The following OSBPL10 variants were observed in gnomAD, a reference collection of about 807,000 sequenced individuals.
OSBPL10 encodes the protein oxysterol binding protein like 10.
Under a neutral mutation model 81.7 loss-of-function variants are expected in OSBPL10, and 49 were observed. The ratio of observed to expected loss-of-function variants is 0.60; its 90% CI spans 0.48 to 0.76. OSBPL10 has a LOEUF of 0.76. OSBPL10 is among the 30% of genes least tolerant of loss of function. The pLI, the probability that OSBPL10 is intolerant of heterozygous loss-of-function variation, is 0.00. For synonymous variants in OSBPL10, 419 were observed against 383.6 expected, an observed-to-expected ratio of 1.09 and a Z score of -1.08; for missense variants, 923 against 987.8, an observed-to-expected ratio of 0.93 and a Z score of 0.88.
At chr3:31,814,240 G>A (rs1487355052) in intron 4 of OSBPL10, among the ~76,000 whole-genome samples, 3 of 152,198 alleles carry the variant, frequency 2.0e-5, no homozygotes, top group Non-Finnish European at 4.4e-5. Flanking sequence ...CAAGAGCTTG[G>A]AGCACATACG....
At chr3:31,744,288 C>A (rs1384475573) in intron 5 of OSBPL10, among the ~76,000 whole-genome samples, 4 of 152,078 alleles carry the variant, frequency 2.6e-5, no homozygotes, top group Admixed American at 2.6e-4. Context: ...CGCCTATAAT[C>A]CCAGCACTTT....
chr3:31,887,571 C>A (rs947456117), intron 1 of OSBPL10, among the ~76,000 whole-genome samples: 3 of 152,102 alleles, frequency 2.0e-5, no homozygotes, highest in African/African-American at 7.2e-5. Context: ...ATATGCTCAA[C>A]CTAGAGGGTA....
intron 1 of OSBPL10, among the ~76,000 whole-genome samples, chr3:31,939,721 C>A (rs1201677038): frequency 6.6e-6 from 1 of 152,158 alleles, no homozygotes; most frequent in South Asian, 2.1e-4. Context: ...AATTCATGCA[C>A]ACACTCCTGG....
At chr3:32,041,773 T>A (rs1699578482) in intron 2 of OSBPL10, among the ~76,000 whole-genome samples, 3 of 152,172 alleles carry the variant, frequency 2.0e-5, no homozygotes, top group Admixed American at 2.0e-4. Context: ...TTCTCCTGCC[T>A]CAATCTCCCA....
At chr3:31,864,242 T>C (rs1371323088) in intron 3 of OSBPL10, among the ~76,000 whole-genome samples, 1 of 152,142 alleles carries the variant, frequency 6.6e-6, no homozygotes, top group Non-Finnish European at 1.5e-5. Context: ...TCTCTTTCTG[T>C]TTCTTGTTTT....
At chr3:31,744,617 G>T (rs1430615723) in intron 5 of OSBPL10, among the ~76,000 whole-genome samples, 2 of 151,740 alleles carry the variant, frequency 1.3e-5, no homozygotes, top group African/African-American at 4.8e-5. Flanking sequence ...GAGAGCACAG[G>T]GAGGACATGA....
At chr3:31,901,781 T>C (rs1696250522) in intron 1 of OSBPL10, among the ~76,000 whole-genome samples, 1 of 152,190 alleles carries the variant, frequency 6.6e-6, no homozygotes, top group Non-Finnish European at 1.5e-5. Flanking sequence ...ATCGCACCTG[T>C]AATCCCAGCA....
chr3:31,716,640 C>T (rs528664754), intron 6 of OSBPL10, among the ~76,000 whole-genome samples: 35 of 152,272 alleles, frequency 2.3e-4, no homozygotes, highest in Non-Finnish European at 4.1e-4. Context: ...CAATCCTAGG[C>T]GGCCAGTGAG....
intron 4 of OSBPL10, among the ~76,000 whole-genome samples, chr3:31,808,477 C>T (rs924599567): frequency 6.6e-6 from 1 of 152,166 alleles, no homozygotes; most frequent in African/African-American, 2.4e-5. Flanking sequence ...CAATCAGTGT[C>T]CTGGAAATAA....
intron 8 of OSBPL10, 43 bp downstream of exon 8, chr3:31,683,591 G>T (rs111671527): frequency 3.2e-6 from 5 of 1,579,830 alleles, no homozygotes; most frequent in Non-Finnish European, 4.3e-6. Flanking sequence ...GTATAGAAAC[G>T]TCACTGTGTA....
chr3:31,935,568 G>A (rs1372373583), intron 1 of OSBPL10, among the ~76,000 whole-genome samples: 2 of 150,428 alleles, frequency 1.3e-5, no homozygotes, highest in East Asian at 3.9e-4. Flanking sequence ...TTTTCGCCCA[G>A]GCTGGAGTGC....
At chr3:31,870,593 C>A (rs927117878) in intron 3 of OSBPL10, among the ~76,000 whole-genome samples, 8 of 152,252 alleles carry the variant, frequency 5.3e-5, no homozygotes, top group Non-Finnish European at 1.2e-4. Context: ...TCTGGTGGGG[C>A]CTTGGAGAAC....
At chr3:31,990,755 T>C (rs1699017856) in intron 2 of OSBPL10, 1 of 1,613,804 alleles carries the variant, frequency 6.2e-7, no homozygotes. Flanking sequence ...CATAAGAGAA[T>C]TCATACTGGA....
chr3:31,936,023 CCCCTTCTCCTCTTCACCAT>C (rs1296430599), intron 1 of OSBPL10, among the ~76,000 whole-genome samples: 1 of 151,962 alleles, frequency 6.6e-6, no homozygotes, highest in Non-Finnish European at 1.5e-5. Flanking sequence ...TGGGCCATAC[CCCCTTCTCCTCTTCACCAT>C]CCCTTCTCAA....
At chr3:31,710,556 T>C (rs551630370) in intron 6 of OSBPL10, 14 of 152,152 alleles carry the variant, frequency 9.2e-5, no homozygotes, top group Non-Finnish European at 1.9e-4. Flanking sequence ...TAGGAAAGGA[T>C]TCAGAGAACT....
rs368013764 is a variant in OSBPL10, at chr3:31,678,995, C to T, written c.1726+4639G>A. On this transcript the variant is annotated intron_variant, in intron 8 of 11. Coordinates refer to ENST00000396556, the MANE Select transcript of OSBPL10 (RefSeq NM_017784.5). Reference sequence around the variant, plus strand: ...CCCATCTCAGAGCAAACGGCAAAGACGTTCCAGAGCCCCAAAATCAGATCC... The same window carrying T: ...CCCATCTCAGAGCAAACGGCAAAGATGTTCCAGAGCCCCAAAATCAGATCC... Among the ~76,000 whole-genome samples, 18 of 152,188 alleles carry T rather than the reference C, an allele frequency of 1.2e-4. 1 individual carries two copies. Among genetic ancestry groups the T allele is most frequent in the East Asian group, 3.9e-4 (2 of 5,166 alleles).
chr3:32,013,778 A>G (rs1030705323), intron 2 of OSBPL10, among the ~76,000 whole-genome samples: 4 of 152,244 alleles, frequency 2.6e-5, no homozygotes, highest in South Asian at 2.1e-4. Context: ...CACTGATCCC[A>G]CAGAAATACA....
chr3:31,930,579 G>T (rs2125719588), intron 1 of OSBPL10, among the ~76,000 whole-genome samples: 1 of 152,324 alleles, frequency 6.6e-6, no homozygotes, highest in South Asian at 2.1e-4. Flanking sequence ...ATCCATAGCA[G>T]AATGATGAAT....
rs1159829851 is a variant in OSBPL10 at position 31,965,790 on chromosome 3, AAG to A, written c.281+15107_281+15108del. Among the ~76,000 whole-genome samples the A allele has an allele frequency of 9.6e-4, 75 of 78,368 alleles. 4 individuals are homozygous for A. The highest frequency in any genetic ancestry group is 4.5e-3 in the African/African-American group (74 of 16,272). 51.4% of individuals were successfully genotyped at this position (78,368 alleles called of 152,430 possible). A position where few individuals can be genotyped will look rare whatever the true frequency, so the allele number is the denominator to read the frequency against. Reference sequence around the variant, plus strand: ...GATAATATATATTATATAAATAGATAAGATATATTATCTATTTATATAATATA... The same window carrying A: ...GATAATATATATTATATAAATAGATAATATATTATCTATTTATATAATATA... On this transcript the variant is annotated intron_variant, in intron 1 of 11. Coordinates refer to ENST00000396556, the MANE Select transcript of OSBPL10 (RefSeq NM_017784.5).
Sources: allele counts gnomAD v4.1 joint callset (sites outside exome capture counted in the v4.1 genomes callset), GRCh38; gene constraint gnomAD v4.1.1; transcripts MANE v1.5; gene names NCBI Gene and HGNC (gene_info 2026-07-23, HGNC 2026-07-21).